The following UNC13C variants were observed in gnomAD, a reference collection of about 807,000 sequenced individuals.
UNC13C encodes the protein unc-13 homolog C.
A neutral mutation model predicts 245.4 loss-of-function variants in UNC13C; 174 were observed. The ratio of observed to expected loss-of-function variants is 0.71; its 90% CI spans 0.63 to 0.80. UNC13C has a LOEUF of 0.80. Ranked by LOEUF, UNC13C falls within the 30% of genes least tolerant of loss-of-function variation. UNC13C has a pLI of 0.00. For synonymous variants in UNC13C, 992 were observed against 895.1 expected, an observed-to-expected ratio of 1.11 and a Z score of -1.93; for missense variants, 2,829 against 2,602.9, an observed-to-expected ratio of 1.09 and a Z score of -1.89.
intron 12 of UNC13C, among the ~76,000 whole-genome samples, chr15:54,299,256 A>G (rs1226002277): frequency 6.6e-6 from 1 of 152,202 alleles, no homozygotes; most frequent in East Asian, 1.9e-4. Context: ...CCTTCAGTTT[A>G]CCCTGGCTTT....
At chr15:54,143,238 C>T (rs182139976) in intron 3 of UNC13C, among the ~76,000 whole-genome samples, 198 bp downstream of exon 3, 4 of 152,242 alleles carry the variant, frequency 2.6e-5, no homozygotes, top group East Asian at 3.9e-4. Flanking sequence ...TTGCCAGCTG[C>T]GCTTACCTTA....
chr15:54,246,497 C>T (rs2035996808), intron 7 of UNC13C, among the ~76,000 whole-genome samples: 1 of 151,174 alleles, frequency 6.6e-6, no homozygotes, highest in African/African-American at 2.4e-5. Context: ...TCAAATAATG[C>T]CTAACTTTAA....
chr15:53,969,181 G>C, the UNC13C span, among the ~76,000 whole-genome samples: 1 of 152,106 alleles, frequency 6.6e-6, no homozygotes. Flanking sequence ...TGATAAAGAA[G>C]AGAATCAGGG....
At chr15:53,980,331 G>A (rs561234937) in intron 1 of UNC13C, among the ~76,000 whole-genome samples, 1 of 152,270 alleles carries the variant, frequency 6.6e-6, no homozygotes, top group East Asian at 1.9e-4. Context: ...TGATACCAGA[G>A]GAGTGATTTA....
intron 2 of UNC13C, among the ~76,000 whole-genome samples, chr15:54,075,478 TG>T (rs1422357354): frequency 0.024 from 3,064 of 129,704 alleles, 270 homozygotes; most frequent in African/African-American, 0.099. Flanking sequence ...GAGCTTGCAG[TG>T]AGCCGGAGCT....
chr15:54,624,637 G>C (rs1901022403), intron 32 of UNC13C, among the ~76,000 whole-genome samples: 1 of 152,116 alleles, frequency 6.6e-6, no homozygotes, highest in Non-Finnish European at 1.5e-5. Context: ...ACGGTGGCAA[G>C]ACCAAATATG....
intron 17 of UNC13C, among the ~76,000 whole-genome samples, chr15:54,392,112 A>G (rs183977854): frequency 5.1e-4 from 78 of 152,216 alleles, no homozygotes; most frequent in African/African-American, 1.8e-3. Context: ...CTTTTCATAT[A>G]CTTAAGCGAA....
chr15:54,228,241 T>C (rs994866629), intron 4 of UNC13C, among the ~76,000 whole-genome samples: 27 of 152,188 alleles, frequency 1.8e-4, no homozygotes, highest in African/African-American at 6.5e-4. Context: ...GGAGTTCTTT[T>C]TTCAAAGCAA....
At chr15:53,936,692 TCA>T in the UNC13C span, among the ~76,000 whole-genome samples, 2 of 152,298 alleles carry the variant, frequency 1.3e-5, no homozygotes, top group African/African-American at 4.8e-5. Context: ...CTTTGCTGTT[TCA>T]CAGTCTTCAC....
chr15:53,982,634 T>G (rs7174278), intron 1 of UNC13C, among the ~76,000 whole-genome samples: 2,327 of 152,258 alleles, frequency 0.015, 69 homozygotes, highest in African/African-American at 0.054. Context: ...ACCAGTGAGA[T>G]AAAGCTAGAG....
At chr15:53,893,372 C>G in the UNC13C span, among the ~76,000 whole-genome samples, 8 of 152,292 alleles carry the variant, frequency 5.3e-5, no homozygotes, top group Non-Finnish European at 1.0e-4. Context: ...CTTAACAGAG[C>G]TTGAATGCTG....
intron 17 of UNC13C, among the ~76,000 whole-genome samples, chr15:54,388,832 T>G (rs1220549415): frequency 6.6e-6 from 1 of 152,192 alleles, no homozygotes; most frequent in Admixed American, 6.5e-5. Context: ...TACTGGAATT[T>G]TTTTTGATCT....
chr15:54,539,094 A>G (rs545419692), intron 26 of UNC13C, among the ~76,000 whole-genome samples: 1 of 152,214 alleles, frequency 6.6e-6, no homozygotes, highest in South Asian at 2.1e-4. Flanking sequence ...TCCCACAGTC[A>G]TAATTATAAA....
At chr15:54,418,187 T>G (rs2040560993) in intron 19 of UNC13C, among the ~76,000 whole-genome samples, 1 of 152,158 alleles carries the variant, frequency 6.6e-6, no homozygotes, top group East Asian at 1.9e-4. Context: ...ACCCAAAGGC[T>G]TTCTAATATA....
intron 18 of UNC13C, among the ~76,000 whole-genome samples, chr15:54,396,983 A>G (rs562517940): frequency 3.3e-5 from 5 of 151,262 alleles, no homozygotes; most frequent in Middle Eastern, 6.8e-3. Context: ...CCATTATCTT[A>G]CTAGTGCCTT....
intron 17 of UNC13C, among the ~76,000 whole-genome samples, chr15:54,366,307 T>C (rs1017489468): frequency 2.0e-5 from 3 of 152,116 alleles, no homozygotes; most frequent in African/African-American, 7.2e-5. Context: ...CAGCTTGGGG[T>C]ATTTATGTTC....
chr15:54,108,193 CTT>C lies in UNC13C; in HGVS notation c.2984-34815_2984-34814del, dbSNP rs11340883. ...TGGAAATGTAGTTTGCTAAATAATACTTTTTTTTTTTGAAACAGAGTCTCGCT... is the reference window on the plus strand; with the variant it reads ...TGGAAATGTAGTTTGCTAAATAATACTTTTTTTTTGAAACAGAGTCTCGCT... On this transcript the variant is annotated intron_variant, in intron 2 of 32. Coordinates refer to ENST00000260323, the MANE Select transcript of UNC13C (RefSeq NM_001080534.3). 1.1e-3 allele frequency among the ~76,000 whole-genome samples: 162 copies of C among 150,552 alleles called. 1 individual carries two copies. Among genetic ancestry groups the C allele is most frequent in the Middle Eastern group, 3.4e-3 (1 of 292 alleles).
At chr15:53,946,442 C>CT in the UNC13C span, among the ~76,000 whole-genome samples, 753 of 68,906 alleles carry the variant, frequency 0.011, 8 homozygotes, top group African/African-American at 0.02. Context: ...CTGAGGTGTT[C>CT]TTTTTTTTGT....
At chr15:54,604,296 A>G (rs1256814906) in intron 30 of UNC13C, among the ~76,000 whole-genome samples, 1 of 152,116 alleles carries the variant, frequency 6.6e-6, no homozygotes, top group African/African-American at 2.4e-5. Flanking sequence ...GAACTAAAAT[A>G]TGTTTAGTTG....
Sources: gnomAD v4.1 joint callset for allele counts (sites outside exome capture counted in the v4.1 genomes callset) on GRCh38, gnomAD v4.1.1 for gene constraint, MANE v1.5 for transcripts, NCBI Gene and HGNC (gene_info 2026-07-23, HGNC 2026-07-21) for gene names.